The following SLC24A2 variants were observed in gnomAD, a reference collection of about 807,000 sequenced individuals.
SLC24A2 encodes solute carrier family 24 member 2.
SLC24A2 carries 36 observed loss-of-function variants against 62.0 expected under a neutral mutation model. The ratio of observed to expected loss-of-function variants is 0.58; its 90% CI spans 0.44 to 0.77. SLC24A2 has a LOEUF of 0.77. Ranked by LOEUF, SLC24A2 falls within the 30% of genes least tolerant of loss-of-function variation. The probability of loss-of-function intolerance (pLI) is 0.00; values close to 1 mark genes in which losing one functional copy is unlikely to be tolerated. For missense variants in SLC24A2, 846 were observed against 817.9 expected, an observed-to-expected ratio of 1.03 and a Z score of -0.42; for synonymous variants, 358 against 294.0, an observed-to-expected ratio of 1.22 and a Z score of -2.23.
chr9:20,045,960 G>C, the SLC24A2 span, among the ~76,000 whole-genome samples: 1 of 152,172 alleles, frequency 6.6e-6, no homozygotes, highest in East Asian at 1.9e-4. Flanking sequence ...AGAACAACTA[G>C]TGCAAAGGAC....
At position 19,609,953 on chromosome 9, in the gene SLC24A2, C is replaced by A. The variant is rs141589871; in HGVS notation, c.1078+9631G>T. Among the ~76,000 whole-genome samples, 211 of 152,294 alleles carry A rather than the reference C, an allele frequency of 1.4e-3. 1 individual carries two copies. In the East Asian group the frequency reaches 0.032, roughly 23 times the overall value. ...TCCTCTGATCTGACAGGAGGTGGAG[C>A]TCAGGCGGTCATGCTCACCCACTGG... On this transcript the variant is annotated intron_variant, in intron 4 of 10. Coordinates refer to ENST00000341998, the MANE Select transcript of SLC24A2 (RefSeq NM_020344.4).
the SLC24A2 span, among the ~76,000 whole-genome samples, chr9:19,829,013 T>G: frequency 6.6e-6 from 1 of 152,164 alleles, no homozygotes; most frequent in Admixed American, 6.6e-5. Context: ...ACCGACTGGC[T>G]TCCTCTCTCA....
At chr9:19,974,461 C>T in the SLC24A2 span, among the ~76,000 whole-genome samples, 170 of 152,282 alleles carry the variant, frequency 1.1e-3, 4 homozygotes, top group East Asian at 0.031. Context: ...TGCTTATGTA[C>T]TCTTTACAGT....
intron 4 of SLC24A2, among the ~76,000 whole-genome samples, chr9:19,614,126 C>T (rs1286206542): frequency 1.3e-5 from 2 of 152,000 alleles, no homozygotes; most frequent in African/African-American, 4.8e-5. Context: ...GAAGATGTAC[C>T]CCTGAGCAAA....
At chr9:19,979,639 C>G in the SLC24A2 span, among the ~76,000 whole-genome samples, 2 of 152,160 alleles carry the variant, frequency 1.3e-5, no homozygotes, top group African/African-American at 4.8e-5. Context: ...TGGCCTTGCT[C>G]TCTTACTCTT....
chr9:20,010,502 A>G, the SLC24A2 span, among the ~76,000 whole-genome samples: 27 of 152,180 alleles, frequency 1.8e-4, no homozygotes, highest in Non-Finnish European at 3.4e-4. Context: ...AATTAAGTAA[A>G]ATTTGGAAAA....
chr9:19,773,425 T>C (rs1339685733), intron 2 of SLC24A2, among the ~76,000 whole-genome samples: 1 of 152,212 alleles, frequency 6.6e-6, no homozygotes, highest in African/African-American at 2.4e-5. Context: ...GCTTTTAGAA[T>C]TGAAATGCCT....
In SLC24A2 at chr9:19,513,103, G is replaced by T. The variant is rs892597117; in HGVS notation, c.*3050C>A. 1 of 148,080 alleles carries T rather than the reference G, an allele frequency of 6.8e-6. No homozygotes were observed. Among genetic ancestry groups the T allele is most frequent in the Non-Finnish European group, 1.5e-5 (1 of 67,636 alleles). The allele number at this position is 148,080 out of a possible 1,614,324, so 9.2% of individuals were successfully genotyped here. A position where few individuals can be genotyped will look rare whatever the true frequency, so the allele number is the denominator to read the frequency against. On this transcript the variant is annotated 3_prime_UTR_variant, in exon 11 of 11. Coordinates refer to ENST00000341998, the MANE Select transcript of SLC24A2 (RefSeq NM_020344.4). ...GAATCCTGAATGTGATAGGGTCAGAGGGTGATGATGTAAGTCATATTATAT... is the reference window on the plus strand; with the variant it reads ...GAATCCTGAATGTGATAGGGTCAGATGGTGATGATGTAAGTCATATTATAT...
the SLC24A2 span, among the ~76,000 whole-genome samples, chr9:19,869,605 A>C: frequency 6.6e-6 from 1 of 152,126 alleles, no homozygotes; most frequent in Admixed American, 6.5e-5. Flanking sequence ...TACATATTAC[A>C]ATGTGTATCT....
the SLC24A2 span, among the ~76,000 whole-genome samples, chr9:19,963,021 G>A: frequency 6.6e-6 from 1 of 152,050 alleles, no homozygotes; most frequent in Non-Finnish European, 1.5e-5. Context: ...TTATTATTTT[G>A]AGATACGTCC....
At chr9:19,787,203 T>A (rs1357083274) in intron 1 of SLC24A2, among the ~76,000 whole-genome samples, 184 bp from the exon 2 acceptor site, 1 of 152,206 alleles carries the variant, frequency 6.6e-6, no homozygotes, top group East Asian at 1.9e-4. Flanking sequence ...CACCCAGGAT[T>A]GTTTTCAAGA....
chr9:19,652,437 C>G lies in SLC24A2; in HGVS notation c.931-30138G>C, dbSNP rs141416911. 7.5e-4 allele frequency among the ~76,000 whole-genome samples: 114 copies of G among 152,172 alleles called. 2 individuals are homozygous for G. Among genetic ancestry groups the G allele is most frequent in the African/African-American group, 2.6e-3 (110 of 41,526 alleles). ...GGCCCAATGTAATCACAAGGGTCCT[C>G]ATAAGAGGGAGGCAATGGAGTTAGA... On this transcript the variant is annotated intron_variant, in intron 2 of 10. Coordinates refer to ENST00000341998, the MANE Select transcript of SLC24A2 (RefSeq NM_020344.4).
the SLC24A2 span, among the ~76,000 whole-genome samples, chr9:19,873,536 C>CTCTTTCTTTCTT: frequency 1.8e-4 from 25 of 137,128 alleles, 1 homozygote; most frequent in African/African-American, 7.0e-4. Context: ...TCCTTTCTTT[C>CTCTTTCTTTCTT]TCTTTCTTTC....
chr9:20,193,785 T>C, the SLC24A2 span, among the ~76,000 whole-genome samples: 1 of 152,172 alleles, frequency 6.6e-6, no homozygotes, highest in Non-Finnish European at 1.5e-5. Context: ...AAGTTATTTG[T>C]AAATTCAATG....
chr9:19,761,428 TC>T (rs1822323542), intron 2 of SLC24A2, among the ~76,000 whole-genome samples: 1 of 152,282 alleles, frequency 6.6e-6, no homozygotes, highest in South Asian at 2.1e-4. Flanking sequence ...GAGCTTTTTT[TC>T]ATATGTTTGT....
At chr9:20,030,359 G>A in the SLC24A2 span, among the ~76,000 whole-genome samples, 1 of 152,226 alleles carries the variant, frequency 6.6e-6, no homozygotes, top group Admixed American at 6.5e-5. Context: ...TACTGAAGGG[G>A]AAGTCATATC....
chr9:19,729,615 G>T (rs1462554397), intron 2 of SLC24A2, among the ~76,000 whole-genome samples: 1 of 152,130 alleles, frequency 6.6e-6, no homozygotes, highest in Non-Finnish European at 1.5e-5. Context: ...GGAGCAGAAA[G>T]TTAAACAGCA....
chr9:20,084,424 T>C, the SLC24A2 span, among the ~76,000 whole-genome samples: 1 of 151,946 alleles, frequency 6.6e-6, no homozygotes, highest in African/African-American at 2.4e-5. Context: ...AAATCAGAAT[T>C]CCCCTCCTTT....
chr9:20,256,851 A>G, the SLC24A2 span, among the ~76,000 whole-genome samples: 2 of 152,004 alleles, frequency 1.3e-5, no homozygotes, highest in African/African-American at 4.8e-5. Context: ...CCCATTGAGC[A>G]TGAAATAGTC....
Sources: allele counts gnomAD v4.1 joint callset (sites outside exome capture counted in the v4.1 genomes callset), GRCh38; gene constraint gnomAD v4.1.1; transcripts MANE v1.5; gene names NCBI Gene and HGNC (gene_info 2026-07-23, HGNC 2026-07-21).